The following TADA2B variants were observed in gnomAD, a reference collection of about 807,000 sequenced individuals.
The protein encoded by TADA2B is transcriptional adaptor 2B.
TADA2B carries 13 observed loss-of-function variants against 34.5 expected under a neutral mutation model. The observed-to-expected ratio is 0.38, with a 90% CI of 0.25 to 0.60. The LOEUF is 0.60. Ranked by LOEUF, TADA2B falls within the 20% of genes least tolerant of loss-of-function variation. The pLI, the probability that TADA2B is intolerant of heterozygous loss-of-function variation, is 0.65. For synonymous variants in TADA2B, 240 were observed against 243.4 expected, an observed-to-expected ratio of 0.99 and a Z score of 0.13; for missense variants, 442 against 575.0, an observed-to-expected ratio of 0.77 and a Z score of 2.37.
intron 1 of TADA2B, among the ~76,000 whole-genome samples, chr4:7,052,234 C>T (rs984513808): frequency 1.3e-5 from 2 of 152,270 alleles, no homozygotes; most frequent in Non-Finnish European, 2.9e-5. Context: ...CCCTGCCGCC[C>T]GCCTGCGCGG....
chr4:7,047,514 C>G (rs371213260), intron 1 of TADA2B, among the ~76,000 whole-genome samples: 3 of 152,220 alleles, frequency 2.0e-5, no homozygotes, highest in Non-Finnish European at 4.4e-5. Context: ...CCAGACACAT[C>G]GATGGTCACT....
intron 1 of TADA2B, among the ~76,000 whole-genome samples, chr4:7,049,151 T>C (rs1017145098): frequency 1.3e-5 from 2 of 152,132 alleles, no homozygotes; most frequent in Non-Finnish European, 2.9e-5. Context: ...CAATCATGGC[T>C]CACTGCAGCC....
chr4:7,047,733 G>C (rs1417265668), intron 1 of TADA2B, among the ~76,000 whole-genome samples: 2 of 152,232 alleles, frequency 1.3e-5, no homozygotes, highest in Non-Finnish European at 2.9e-5. Flanking sequence ...GTGGAGGAAG[G>C]AAGGGTTTTG....
chr4:7,054,001 G>A (rs1723829347), intron 1 of TADA2B, 61 bp from the exon 2 acceptor site: 3 of 1,492,534 alleles, frequency 2.0e-6, no homozygotes, highest in Non-Finnish European at 2.7e-6. Flanking sequence ...AAGAGAATCT[G>A]TGCGGAACCC....
chr4:7,054,079 C>T lies in TADA2B; in HGVS notation c.288C>T (p.His96=), dbSNP rs765897499. The change falls in exon 2 of 2, where the codon CAC becomes CAT. Residue 96 remains histidine, a synonymous_variant. Coordinates refer to ENST00000310074, the MANE Select transcript of TADA2B (RefSeq NM_152293.3). ...GFGNWEDMAA[H]VGASRTPQEV... ...CATCGTAGGAAGATATGGCTGCCCA[C>T]GTTGGTGCTTCCCGGACTCCCCAAG... 14 of 1,583,746 alleles carry T rather than the reference C, an allele frequency of 8.8e-6. No individual in the cohort carries two copies. Among genetic ancestry groups the T allele is most frequent in the Admixed American group, 3.5e-5 (2 of 57,316 alleles).
chr4:7,047,423 C>G (rs1723655995), intron 1 of TADA2B, among the ~76,000 whole-genome samples: 1 of 152,234 alleles, frequency 6.6e-6, no homozygotes, highest in Non-Finnish European at 1.5e-5. Context: ...CACTCAGGCT[C>G]CTTCTTGGAG....
intron 1 of TADA2B, among the ~76,000 whole-genome samples, chr4:7,044,818 C>T (rs1210772379): frequency 6.6e-6 from 1 of 152,180 alleles, no homozygotes. Flanking sequence ...GCATCCATCT[C>T]GCTGCCACCT....
At chr4:7,045,163 G>C (rs1298621311) in intron 1 of TADA2B, 1 of 152,286 alleles carries the variant, frequency 6.6e-6, no homozygotes, top group African/African-American at 2.4e-5. Context: ...GTACTGACTT[G>C]GTCCTAGGCC....
intron 1 of TADA2B, 83 bp downstream of exon 1, chr4:7,043,932 C>T: frequency 7.3e-7 from 1 of 1,370,206 alleles, no homozygotes; most frequent in Non-Finnish European, 9.4e-7. Context: ...GCAGGCAGCG[C>T]TGGACCTGCT....
intron 1 of TADA2B, among the ~76,000 whole-genome samples, chr4:7,044,593 G>T (rs900878364): frequency 1.3e-5 from 2 of 152,146 alleles, no homozygotes; most frequent in African/African-American, 4.8e-5. Flanking sequence ...AGAGGAACAT[G>T]GTTCTCTCTG....
In TADA2B at chr4:7,047,914, G is replaced by A. The variant is rs1337308059; in HGVS notation, c.270+4065G>A. On this transcript the variant is annotated intron_variant, in intron 1 of 1. Coordinates refer to ENST00000310074, the MANE Select transcript of TADA2B (RefSeq NM_152293.3). The stretch of plus-strand genomic sequence containing the variant: ...GCCCTGAGCAGGTGCTTTGACACGC[G>A]CCCCTCTCACCATCTCCCCGTCCCC... Among the ~76,000 whole-genome samples, 3 of 152,158 alleles carry A rather than the reference G, an allele frequency of 2.0e-5. No individual in the cohort carries two copies. In the East Asian group the frequency reaches 5.8e-4, roughly 29 times the overall value.
In TADA2B at chr4:7,054,595, C is replaced by T. The variant is rs1560395681; in HGVS notation, c.804C>T (p.Cys268=). 9 of 1,613,898 alleles carry T rather than the reference C, an allele frequency of 5.6e-6. No individual in the cohort carries two copies. Among genetic ancestry groups the T allele is most frequent in the Non-Finnish European group, 6.8e-6 (8 of 1,179,902 alleles). The change falls in exon 2 of 2, where the codon TGC becomes TGT. Residue 268 remains cysteine (C), a synonymous_variant. Transcript: ENST00000310074. Reference sequence around the variant, plus strand: ...GGCCGCTGTACCAGTTCATGTCATGCAAGGAGTTTGATGACCTTTTTGAAA... The same window carrying T: ...GGCCGCTGTACCAGTTCATGTCATGTAAGGAGTTTGATGACCTTTTTGAAA... ...KLRPLYQFMS[C]KEFDDLFENM...
At chr4:7,048,810 G>C (rs1379537594) in intron 1 of TADA2B, among the ~76,000 whole-genome samples, 2 of 152,040 alleles carry the variant, frequency 1.3e-5, no homozygotes, top group Non-Finnish European at 2.9e-5. Flanking sequence ...CAAATGCGTG[G>C]GTCCTGCAGG....
intron 1 of TADA2B, among the ~76,000 whole-genome samples, chr4:7,050,827 G>A (rs978884788): frequency 6.6e-6 from 1 of 152,242 alleles, no homozygotes; most frequent in African/African-American, 2.4e-5. Context: ...ATCGGGAAGC[G>A]GCTAGGACCC....
At chr4:7,054,012 A>C in intron 1 of TADA2B, 50 bp from the exon 2 acceptor site, 1 of 1,505,970 alleles carries the variant, frequency 6.6e-7, no homozygotes, top group Non-Finnish European at 8.9e-7. Flanking sequence ...TGCGGAACCC[A>C]AATCTGGCAC....
chr4:7,049,835 G>C (rs1404750799), intron 1 of TADA2B, among the ~76,000 whole-genome samples: 2 of 152,266 alleles, frequency 1.3e-5, no homozygotes, highest in East Asian at 3.8e-4. Flanking sequence ...CAGCCCCGAG[G>C]GCTGTTGGCA....
In TADA2B at chr4:7,054,228, G is replaced by T. The variant is rs759221099; in HGVS notation, c.437G>T (p.Ser146Ile). 6.2e-7 allele frequency: 1 copy of T among 1,607,944 alleles called. No homozygotes were observed. Among genetic ancestry groups the T allele is most frequent in the African/African-American group, 1.3e-5 (1 of 74,668 alleles). ...CCCAGCGGAGGCCCCCTCTCACCCAGCCTCACCACCCCGCTGCCCCCGCTG... is the reference window on the plus strand; with the variant it reads ...CCCAGCGGAGGCCCCCTCTCACCCATCCTCACCACCCCGCTGCCCCCGCTG... ...TCPSGGPLSP[S>I]LTTPLPPLDI... is the part of the protein sequence containing the mutation. Residue 146 changes from serine (S) to isoleucine (I), a missense_variant, in exon 2 of 2, where the codon AGC becomes ATC. By Grantham distance (142) the Ser-to-Ile change is moderately radical. Around this residue, in one of 4 missense-constraint regions of TADA2B, gnomAD observed 222 missense variants for 235.2 expected, o/e 0.94. Coordinates refer to ENST00000310074, the MANE Select transcript of TADA2B (RefSeq NM_152293.3).
chr4:7,049,389 C>T (rs560162172), intron 1 of TADA2B, among the ~76,000 whole-genome samples: 2 of 152,336 alleles, frequency 1.3e-5, no homozygotes, highest in Admixed American at 6.5e-5. Flanking sequence ...TTTGAGGAAC[C>T]GCCCTGCTGT....
chr4:7,053,843 A>G, intron 1 of TADA2B: 1 of 546,566 alleles, frequency 1.8e-6, no homozygotes, highest in Non-Finnish European at 3.2e-6. Flanking sequence ...TCACTTTCTC[A>G]TGTACAGAAT....
Sources: allele counts gnomAD v4.1 joint callset (sites outside exome capture counted in the v4.1 genomes callset), GRCh38; gene constraint gnomAD v4.1.1; regional missense constraint gnomAD v4.1.1; transcripts MANE v1.5; gene names NCBI Gene and HGNC (gene_info 2026-07-23, HGNC 2026-07-21).